Variants in ATAD3A observed in about 807,000 individuals in gnomAD.
ATAD3A encodes ATPase family AAA domain containing 3A.
Under a neutral mutation model 73.8 loss-of-function variants are expected in ATAD3A, and 46 were observed. That is an observed-to-expected ratio of 0.62 (90% confidence interval 0.49 to 0.80). ATAD3A has a LOEUF of 0.80. ATAD3A is among the 30% of genes least tolerant of loss of function. The pLI is 0.00. For missense variants in ATAD3A, 705 were observed against 838.0 expected, an observed-to-expected ratio of 0.84 and a Z score of 1.96; for synonymous variants, 319 against 350.0, an observed-to-expected ratio of 0.91 and a Z score of 0.99.
intron 12 of ATAD3A, among the ~76,000 whole-genome samples, chr1:1,525,501 A>G (rs372989075): frequency 3.1e-5 from 4 of 127,840 alleles, no homozygotes; most frequent in Admixed American, 1.8e-4. Flanking sequence ...TGCAAGCTCC[A>G]CCTCCCAGGT....
intron 14 of ATAD3A, among the ~76,000 whole-genome samples, chr1:1,528,940 G>T (rs1455442803): frequency 6.6e-6 from 1 of 152,246 alleles, no homozygotes; most frequent in Non-Finnish European, 1.5e-5. Flanking sequence ...CTCCGCCACT[G>T]CCAGCATAAA....
intron 15 of ATAD3A, among the ~76,000 whole-genome samples, chr1:1,531,618 C>T (rs569324658): frequency 1.5e-3 from 218 of 140,982 alleles, no homozygotes; most frequent in African/African-American, 5.0e-3. Flanking sequence ...ATAAAAAATA[C>T]AAAAAAAAAA....
chr1:1,515,984 C>T, intron 1 of ATAD3A, 28 bp from the exon 2 acceptor site: 5 of 1,613,548 alleles, frequency 3.1e-6, no homozygotes, highest in Non-Finnish European at 4.2e-6. Flanking sequence ...TATCCTAACA[C>T]CTGCCCTCCG....
In ATAD3A at chr1:1,523,237, C is replaced by T. The variant is rs1435178540; in HGVS notation, c.907-274C>T. On this transcript the variant is annotated intron_variant, in intron 8 of 15. Coordinates refer to ENST00000378756, the MANE Select transcript of ATAD3A (RefSeq NM_001170535.3). This position sits in a 1 kb window ranked among gnomAD's most constrained non-coding sequence, Gnocchi z 5.1. ...GCGTCTGGTGGCCTCCCTGGGGAGC[C>T]GCGCCGCTCGCCGCCCCCGAGGTGC... Among the ~76,000 whole-genome samples, 5 of 151,950 alleles carry T rather than the reference C, an allele frequency of 3.3e-5. No individual in the cohort carries two copies. Among genetic ancestry groups the T allele is most frequent in the African/African-American group, 4.8e-5 (2 of 41,312 alleles).
At chr1:1,525,630 G>C (rs553350184) in intron 12 of ATAD3A, among the ~76,000 whole-genome samples, 113 of 152,238 alleles carry the variant, frequency 7.4e-4, no homozygotes, top group African/African-American at 2.6e-3. Flanking sequence ...TAGCCAGGAT[G>C]GTCTCGATCT....
At position 1,520,885 on chromosome 1, in the gene ATAD3A, G is replaced by A. The variant is rs1312596383; in HGVS notation, c.750+268G>A. Among the ~76,000 whole-genome samples the A allele has an allele frequency of 6.6e-6, 1 of 152,038 alleles. No homozygotes were observed. Among genetic ancestry groups the A allele is most frequent in the Non-Finnish European group, 1.5e-5 (1 of 68,012 alleles). On this transcript the variant is annotated intron_variant, in intron 7 of 15. Transcript: ENST00000378756. This position sits in a 1 kb window ranked among gnomAD's most constrained non-coding sequence, Gnocchi z 4.0. ...GCTGGGTGTGGTGGCAGCCCCTGTG[G>A]TCCCACTACTCAAGAGGCTGAGGTA...
At chr1:1,530,794 A>C (rs1191371674) in intron 15 of ATAD3A, among the ~76,000 whole-genome samples, 2 of 100,780 alleles carry the variant, frequency 2.0e-5, no homozygotes, top group South Asian at 7.5e-4. Context: ...CCGCCACTGC[A>C]CTCCAGCCTG....
intron 4 of ATAD3A, 95 bp from the exon 5 acceptor site, chr1:1,518,826 A>AC (rs1243162667): frequency 2.1e-5 from 34 of 1,597,796 alleles, no homozygotes; most frequent in African/African-American, 4.2e-5. Context: ...GGGCACACTC[A>AC]CCCCCCTGCA....
chr1:1,527,957 C>CT, intron 14 of ATAD3A, 95 bp downstream of exon 14: 2 of 1,214,478 alleles, frequency 1.6e-6, no homozygotes, highest in South Asian at 1.8e-5. Context: ...CTTTAACATT[C>CT]CTTTTTTTTT....
chr1:1,526,561 C>A (rs375402306), intron 13 of ATAD3A, 30 bp downstream of exon 13: 1 of 1,611,626 alleles, frequency 6.2e-7, no homozygotes, highest in Admixed American at 1.7e-5. Flanking sequence ...CCTGGGCCCC[C>A]GGGCAGGGCT....
intron 3 of ATAD3A, 112 bp from the exon 4 acceptor site, chr1:1,517,604 C>T: frequency 1.3e-6 from 1 of 781,680 alleles, no homozygotes; most frequent in South Asian, 1.7e-5. Context: ...CCCCGCGCCT[C>T]CCCACGTTTG....
chr1:1,514,186 C>A (rs1172660669), intron 1 of ATAD3A, among the ~76,000 whole-genome samples: 1 of 151,174 alleles, frequency 6.6e-6, no homozygotes, highest in South Asian at 2.1e-4. Context: ...TTTCCCCTCT[C>A]CTCCTCCCCA....
chr1:1,518,722 G>A lies in ATAD3A; in HGVS notation c.445-199G>A, dbSNP rs1440124738. Among the ~76,000 whole-genome samples, 4 of 127,782 alleles carry A rather than the reference G, an allele frequency of 3.1e-5. 1 individual carries two copies. In the Admixed American group the frequency reaches 3.5e-4, roughly 11 times the overall value. 83.8% of individuals were successfully genotyped at this position (127,782 alleles called of 152,430 possible). A position where few individuals can be genotyped will look rare whatever the true frequency, so the allele number is the denominator to read the frequency against. Reference sequence around the variant, plus strand: ...GGGTGCACAACCCACCCACACATGGGCACAATCACCCCCACACACATGGGC... The same window carrying A: ...GGGTGCACAACCCACCCACACATGGACACAATCACCCCCACACACATGGGC... On this transcript the variant is annotated intron_variant, in intron 4 of 15. Transcript: ENST00000378756.
intron 12 of ATAD3A, among the ~76,000 whole-genome samples, chr1:1,525,791 G>A (rs951594405): frequency 1.3e-5 from 2 of 151,808 alleles, no homozygotes; most frequent in Non-Finnish European, 2.9e-5. Flanking sequence ...CTGTTGCCTC[G>A]ACCTCTGGAG....
chr1:1,527,353 T>C, intron 13 of ATAD3A: 1 of 1,069,278 alleles, frequency 9.4e-7, no homozygotes, highest in Non-Finnish European at 1.2e-6. Context: ...GTCCTGCTCC[T>C]GGCACGTGTG....
intron 7 of ATAD3A, among the ~76,000 whole-genome samples, chr1:1,522,513 C>T (rs1264457255): frequency 2.0e-5 from 3 of 152,234 alleles, no homozygotes; most frequent in African/African-American, 7.2e-5. Context: ...TTTATGCTGC[C>T]AGTTGCAGAG....
intron 7 of ATAD3A, among the ~76,000 whole-genome samples, chr1:1,522,148 T>C (rs1239807705): frequency 6.6e-6 from 1 of 152,190 alleles, no homozygotes; most frequent in Non-Finnish European, 1.5e-5. Flanking sequence ...CAAGAGATTC[T>C]CCTGCCTCAG....
At chr1:1,525,429 T>TTG in intron 12 of ATAD3A, 138 bp downstream of exon 12, 1 of 1,220,120 alleles carries the variant, frequency 8.2e-7, no homozygotes, top group East Asian at 2.4e-5. Flanking sequence ...TTTTTTTTTT[T>TTG]TTTGAGAAGA....
At position 1,518,940 on chromosome 1, in the gene ATAD3A, A is replaced by G; in HGVS notation, c.464A>G (p.Asn155Ser). The G allele has an allele frequency of 5.6e-6, 9 of 1,614,104 alleles. No homozygotes were observed. The highest frequency in any genetic ancestry group is 5.1e-6 in the Non-Finnish European group (6 of 1,179,958). The change falls in exon 5 of 16, where the codon AAT becomes AGT. Residue 155 changes from asparagine to serine, a missense_variant. Asn to Ser is a conservative substitution (Grantham distance 46). Coordinates refer to ENST00000378756, the MANE Select transcript of ATAD3A (RefSeq NM_001170535.3). ...LKQQQLLNEE[N>S]LRKQEESVQK... Reference sequence around the variant, plus strand: ...TCTCAGCAACTTCTCAATGAGGAGAATTTACGGAAGCAGGAGGAGTCCGTG... The same window carrying G: ...TCTCAGCAACTTCTCAATGAGGAGAGTTTACGGAAGCAGGAGGAGTCCGTG...
Sources: gnomAD v4.1 joint callset for allele counts (sites outside exome capture counted in the v4.1 genomes callset) on GRCh38, gnomAD v4.1.1 for gene constraint, Gnocchi (gnomAD v3.1) non-coding constraint, MANE v1.5 for transcripts, NCBI Gene and HGNC (gene_info 2026-07-23, HGNC 2026-07-21) for gene names.